The following FGFR1 variants were observed in gnomAD, a reference collection of about 807,000 sequenced individuals.
FGFR1 encodes the protein fibroblast growth factor receptor 1, also known as FGFR1/PLAG1 fusion.
FGFR1 carries 18 observed loss-of-function variants against 93.7 expected under a neutral mutation model. The observed-to-expected ratio is 0.19, with a 90% CI of 0.13 to 0.28. The LOEUF (loss-of-function observed/expected upper bound fraction) is 0.28. FGFR1 is among the 10% of genes least tolerant of loss of function. FGFR1 has a pLI of 1.00. For synonymous variants in FGFR1, 448 were observed against 429.3 expected (o/e 1.04, Z -0.54); for missense variants, 731 against 1,080.4 (o/e 0.68, Z 4.53).
At chr8:38,419,026 C>T (rs1817764647) in intron 9 of FGFR1, among the ~76,000 whole-genome samples, 1 of 152,222 alleles carries the variant, frequency 6.6e-6, no homozygotes, top group Non-Finnish European at 1.5e-5. Context: ...CCTGTACAAG[C>T]TCTCTTCTCG....
intron 2 of FGFR1, among the ~76,000 whole-genome samples, chr8:38,438,591 G>A (rs1197982957): frequency 6.6e-6 from 1 of 151,956 alleles, no homozygotes; most frequent in Admixed American, 6.6e-5. Flanking sequence ...GGAAACTGGG[G>A]CACAGAAAGA....
chr8:38,421,758 C>T (rs201247221), intron 8 of FGFR1, 39 bp downstream of exon 8: 263 of 1,611,272 alleles, frequency 1.6e-4, no homozygotes, highest in Middle Eastern at 1.3e-3. Context: ...GTGCCCGTGG[C>T]GAGGGCAGGA....
At chr8:38,421,646 C>G in intron 8 of FGFR1, 151 bp downstream of exon 8, 1 of 833,538 alleles carries the variant, frequency 1.2e-6, no homozygotes, top group Non-Finnish European at 2.0e-6. Flanking sequence ...AGGATTCAGC[C>G]CTCAAAGCTG....
Position 38,457,517 on chromosome 8 carries a change from C to T in FGFR1, c.-71G>A, listed in dbSNP as rs777003038. 6.9e-6 allele frequency: 11 copies of T among 1,602,908 alleles called. No homozygotes were observed. In the South Asian group the frequency reaches 1.0e-4, roughly 15 times the overall value. ...TGGATACTCCACAGTGAGCTCGATC[C>T]TCCTTTTCAAACTGACCCTGAGGAA... On this transcript the variant is annotated 5_prime_UTR_variant, in exon 2 of 18. Coordinates refer to ENST00000447712, the MANE Select transcript of FGFR1 (RefSeq NM_023110.3).
chr8:38,457,361 T>G lies in FGFR1; in HGVS notation c.86A>C (p.Glu29Ala), dbSNP rs758551875. 1.2e-6 allele frequency: 2 copies of G among 1,612,808 alleles called. No homozygotes were observed. Among genetic ancestry groups the G allele is most frequent in the African/African-American group, 1.3e-5 (1 of 74,896 alleles). ...GCCCCCAGCCAGCACCTTACCTTGT[T>G]CAGGCAAGGTCGGGGACGGCCTAGC... Reference protein sequence around the residue: ...CTARPSPTLPEQAQPWGAPVE... With the variant: ...CTARPSPTLPAQAQPWGAPVE... The change falls in exon 2 of 18, where the codon GAA becomes GCA. Residue 29 changes from glutamate to alanine, a missense_variant. By Grantham distance (107) the Glu-to-Ala change is moderately radical. Transcript: ENST00000447712.
chr8:38,439,464 G>A lies in FGFR1; in HGVS notation c.92-9516C>T, dbSNP rs1033527449. 5.7e-4 allele frequency among the ~76,000 whole-genome samples: 87 copies of A among 152,068 alleles called. 2 individuals are homozygous for A. The highest frequency in any genetic ancestry group is 1.7e-3 in the African/African-American group (69 of 41,400). ...GACCCACTGAGAAGATTAAGAACAC[G>A]AGGCAAAAGAGCTGGTCCGCCCTCC... On this transcript the variant is annotated intron_variant, in intron 2 of 17. Transcript: ENST00000447712.
chr8:38,413,440 T>C lies in FGFR1; in HGVS notation c.*188A>G, dbSNP rs1228345125. On this transcript the variant is annotated 3_prime_UTR_variant, in exon 18 of 18. Coordinates refer to ENST00000447712, the MANE Select transcript of FGFR1 (RefSeq NM_023110.3). This position sits in a 1 kb window ranked among gnomAD's most constrained non-coding sequence, Gnocchi z 4.2. ...CCTCTTTGCACCTCTCACCAGCAGG[T>C]GGAGAGGAGGTGGAGGGAGAGGTGA... The C allele has an allele frequency of 4.9e-6, 3 of 607,138 alleles. No homozygotes were observed. The highest frequency in any genetic ancestry group is 3.7e-5 in the African/African-American group (2 of 53,686). 37.6% of individuals were successfully genotyped at this position (607,138 alleles called of 1,614,324 possible).
chr8:38,466,671 G>C, intron 1 of FGFR1: 1 of 225,958 alleles, frequency 4.4e-6, no homozygotes, highest in Non-Finnish European at 8.8e-6. Flanking sequence ...GGTCAAGACA[G>C]GCTGAAGAAT....
intron 2 of FGFR1, among the ~76,000 whole-genome samples, chr8:38,447,017 T>C (rs1335436970): frequency 6.6e-6 from 1 of 151,768 alleles, no homozygotes; most frequent in Non-Finnish European, 1.5e-5. Flanking sequence ...CTAGGGAACC[T>C]TGTTCATTAA....
intron 2 of FGFR1, among the ~76,000 whole-genome samples, chr8:38,449,728 G>A (rs576390941): frequency 2.6e-5 from 4 of 152,350 alleles, no homozygotes; most frequent in Middle Eastern, 3.4e-3. Flanking sequence ...AGGAGAGGGC[G>A]TGGAGTTTCA....
intron 2 of FGFR1, among the ~76,000 whole-genome samples, chr8:38,450,956 T>C (rs1830874891): frequency 6.6e-6 from 1 of 152,114 alleles, no homozygotes. Flanking sequence ...GGGTCCTCCC[T>C]GTCCAGCTCT....
rs1466811480 is a variant in FGFR1, at chr8:38,457,506, T to A, written c.-60A>T. 6.2e-7 allele frequency: 1 copy of A among 1,608,464 alleles called. No individual in the cohort carries two copies. Among genetic ancestry groups the A allele is most frequent in the South Asian group, 1.1e-5 (1 of 90,296 alleles). Reference sequence around the variant, plus strand: ...CCACATCTCCATGGATACTCCACAGTGAGCTCGATCCTCCTTTTCAAACTG... The same window carrying A: ...CCACATCTCCATGGATACTCCACAGAGAGCTCGATCCTCCTTTTCAAACTG... On this transcript the variant is annotated 5_prime_UTR_variant, in exon 2 of 18. Coordinates refer to ENST00000447712, the MANE Select transcript of FGFR1 (RefSeq NM_023110.3).
intron 9 of FGFR1, among the ~76,000 whole-genome samples, chr8:38,418,905 G>C (rs1399620287): frequency 1.3e-5 from 2 of 152,150 alleles, no homozygotes; most frequent in Non-Finnish European, 2.9e-5. Context: ...ACGTGTTATG[G>C]GAGGGACCTG....
chr8:38,428,189 C>T, intron 4 of FGFR1, 96 bp from the exon 5 acceptor site: 1 of 1,549,410 alleles, frequency 6.5e-7, no homozygotes, highest in Admixed American at 1.7e-5. Flanking sequence ...AGGTGTCTTG[C>T]CCATCTGCCC....
rs1189724596 is a variant in FGFR1 at position 38,457,492 on chromosome 8, T to C, written c.-46A>G. ...TTGGTGACAAGGCTCCACATCTCCA[T>C]GGATACTCCACAGTGAGCTCGATCC... On this transcript the variant is annotated 5_prime_UTR_variant, in exon 2 of 18. The change abolishes an upstream ATG in the 5' untranslated region. Coordinates refer to ENST00000447712, the MANE Select transcript of FGFR1 (RefSeq NM_023110.3). 1 of 1,612,558 alleles carries C rather than the reference T, an allele frequency of 6.2e-7. No homozygotes were observed. The highest frequency in any genetic ancestry group is 1.3e-5 in the African/African-American group (1 of 74,870).
chr8:38,416,811 G>C (rs1326643498), intron 12 of FGFR1, among the ~76,000 whole-genome samples: 1 of 152,076 alleles, frequency 6.6e-6, no homozygotes. Context: ...GGAGTACAAT[G>C]GCGTGATCTT....
chr8:38,450,616 T>C (rs1433408148), intron 2 of FGFR1, among the ~76,000 whole-genome samples: 2 of 152,140 alleles, frequency 1.3e-5, no homozygotes, highest in African/African-American at 2.4e-5. Context: ...TCCCTGATGC[T>C]GTCTCTCCAG....
intron 1 of FGFR1, chr8:38,458,720 G>C: frequency 4.5e-6 from 1 of 220,190 alleles, no homozygotes; most frequent in Non-Finnish European, 9.1e-6. Context: ...CCCGACCTAT[G>C]CAATGAAGCA....
chr8:38,426,159 G>A lies in FGFR1; in HGVS notation c.708C>T (p.Tyr236=), dbSNP rs373644620. 15 of 1,614,090 alleles carry A rather than the reference G, an allele frequency of 9.3e-6. No individual in the cohort carries two copies. Among genetic ancestry groups the A allele is most frequent in the South Asian group, 1.1e-5 (1 of 91,082 alleles). The change falls in exon 6 of 18, where the codon TAC becomes TAT. Residue 236 remains tyrosine, a synonymous_variant. Coordinates refer to ENST00000447712, the MANE Select transcript of FGFR1 (RefSeq NM_023110.3). The surrounding 1 kb of genome is among the most constrained non-coding windows in gnomAD (Gnocchi z 4.1). Reference sequence around the variant, plus strand: ...GCTGGTATGTGTGGTTGATGCTGCCGTACTCATTCTCCACAATGCAGGTGT... The same window carrying A: ...GCTGGTATGTGTGGTTGATGCTGCCATACTCATTCTCCACAATGCAGGTGT... ...GNYTCIVENE[Y]GSINHTYQLD... is the part of the protein sequence containing the mutation.
Sources: gnomAD v4.1 joint callset for allele counts (sites outside exome capture counted in the v4.1 genomes callset) on GRCh38, gnomAD v4.1.1 for gene constraint, Gnocchi (gnomAD v3.1) non-coding constraint, MANE v1.5 for transcripts, NCBI Gene and HGNC (gene_info 2026-07-23, HGNC 2026-07-21) for gene names.